Variants in ERC2 observed in about 807,000 individuals in gnomAD.
ERC2 encodes ERC protein 2.
In ERC2, 42 loss-of-function variants were observed where a neutral mutation model predicts 114.8. That is an observed-to-expected ratio of 0.37 (90% CI 0.29 to 0.47). The LOEUF (loss-of-function observed/expected upper bound fraction) is 0.47, where lower values mean the gene tolerates loss of function less well. Among genes scored for constraint, ERC2 ranks in the 20% least tolerant of loss-of-function variants. ERC2 has a pLI of 0.99. For synonymous variants in ERC2, 454 were observed against 425.5 expected (o/e 1.07, Z -0.82); for missense variants, 939 against 1,150.7 (o/e 0.82, Z 2.66).
At chr3:56,346,564 GTGAA>G (rs1167699897) in intron 2 of ERC2, among the ~76,000 whole-genome samples, 1 of 152,142 alleles carries the variant, frequency 6.6e-6, no homozygotes, top group African/African-American at 2.4e-5. Context: ...ATCTTTTCTG[GTGAA>G]TGAATAGGCA....
chr3:56,227,932 C>T (rs1314760003), intron 3 of ERC2, among the ~76,000 whole-genome samples: 1 of 152,070 alleles, frequency 6.6e-6, no homozygotes, highest in Admixed American at 6.6e-5. Flanking sequence ...TGGGAAATTG[C>T]ACAATAATAA....
chr3:56,461,191 G>A (rs2107571741), intron 1 of ERC2, among the ~76,000 whole-genome samples: 1 of 152,258 alleles, frequency 6.6e-6, no homozygotes, highest in South Asian at 2.1e-4. Context: ...GGACAAGCTG[G>A]CCAGGCTTCA....
At chr3:56,231,373 C>T (rs573429314) in intron 3 of ERC2, among the ~76,000 whole-genome samples, 2 of 152,226 alleles carry the variant, frequency 1.3e-5, no homozygotes, top group Admixed American at 6.5e-5. Flanking sequence ...AAGCCTTTCA[C>T]CTGTGTACAC....
intron 12 of ERC2, among the ~76,000 whole-genome samples, chr3:55,974,806 GGA>G (rs770506825): frequency 5.9e-5 from 9 of 152,114 alleles, no homozygotes; most frequent in Non-Finnish European, 1.0e-4. Context: ...GCAAAGACTC[GGA>G]CCAGCAGCTC....
chr3:55,881,924 G>A (rs1417808739), intron 14 of ERC2, among the ~76,000 whole-genome samples: 1 of 152,114 alleles, frequency 6.6e-6, no homozygotes, highest in East Asian at 1.9e-4. Context: ...ATATATGGTT[G>A]GTAACTGTTA....
At chr3:56,072,696 A>C (rs573862425) in intron 7 of ERC2, among the ~76,000 whole-genome samples, 41 of 152,344 alleles carry the variant, frequency 2.7e-4, no homozygotes, top group African/African-American at 8.9e-4. Context: ...CAAAAGGTTG[A>C]TAAAATAAAG....
At chr3:56,036,180 C>T (rs1039266871) in intron 7 of ERC2, among the ~76,000 whole-genome samples, 2 of 152,142 alleles carry the variant, frequency 1.3e-5, no homozygotes, top group Admixed American at 1.3e-4. Flanking sequence ...AGACTCTCGA[C>T]AAATTGGGCA....
intron 14 of ERC2, among the ~76,000 whole-genome samples, chr3:55,832,607 T>C (rs2149191161): frequency 6.6e-6 from 1 of 152,308 alleles, no homozygotes; most frequent in African/African-American, 2.4e-5. Flanking sequence ...AACCTATCTG[T>C]ACATCACCAT....
intron 17 of ERC2, among the ~76,000 whole-genome samples, chr3:55,647,893 G>A (rs1016556875): frequency 4.6e-5 from 7 of 152,198 alleles, no homozygotes; most frequent in African/African-American, 7.2e-5. Context: ...CAGCCGCCTC[G>A]CCCTGTGGAG....
At chr3:55,813,039 A>G (rs534219641) in intron 14 of ERC2, among the ~76,000 whole-genome samples, 2 of 152,240 alleles carry the variant, frequency 1.3e-5, no homozygotes, top group Non-Finnish European at 2.9e-5. Context: ...AAGTCCAATG[A>G]GAAAATACTG....
chr3:56,065,293 G>T (rs1205304859), intron 7 of ERC2, among the ~76,000 whole-genome samples: 2 of 151,894 alleles, frequency 1.3e-5, no homozygotes, highest in Non-Finnish European at 2.9e-5. Context: ...CATGATCATG[G>T]CTCACTGCAG....
chr3:55,595,734 C>T (rs895913990), intron 17 of ERC2, among the ~76,000 whole-genome samples: 2 of 152,154 alleles, frequency 1.3e-5, no homozygotes, highest in African/African-American at 4.8e-5. Context: ...TACAAGGGCT[C>T]AAATGCAGAC....
intron 7 of ERC2, among the ~76,000 whole-genome samples, chr3:56,025,997 A>G (rs1193784122): frequency 6.6e-6 from 1 of 150,836 alleles, no homozygotes; most frequent in Admixed American, 6.6e-5. Flanking sequence ...TTGAAAACAA[A>G]TTTTCAGCTT....
intron 3 of ERC2, among the ~76,000 whole-genome samples, chr3:56,223,315 G>A (rs1306614746): frequency 6.6e-6 from 1 of 151,944 alleles, no homozygotes; most frequent in Non-Finnish European, 1.5e-5. Flanking sequence ...GCATTGTGGT[G>A]GGACCTCTGT....
At chr3:56,063,615 G>A (rs1018883141) in intron 7 of ERC2, among the ~76,000 whole-genome samples, 1 of 152,100 alleles carries the variant, frequency 6.6e-6, no homozygotes, top group Non-Finnish European at 1.5e-5. Context: ...CTGAGGCAGA[G>A]GATATGTAAG....
At chr3:55,586,849 T>G (rs1051355621) in intron 17 of ERC2, among the ~76,000 whole-genome samples, 1 of 152,206 alleles carries the variant, frequency 6.6e-6, no homozygotes, top group African/African-American at 2.4e-5. Context: ...GTAGCCACCA[T>G]CCAGTAAAAT....
Position 55,683,446 on chromosome 3 carries a change from G to A in ERC2, c.*39+348C>T, listed in dbSNP as rs369379969. ...AAGCAAGCAGTCGGCTGAAAACCAC[G>A]ACTGGAGAATTGCGACAATTTCTGA... On this transcript the variant is annotated intron_variant, in intron 17 of 17. Coordinates refer to ENST00000288221, the MANE Select transcript of ERC2 (RefSeq NM_015576.3). 7.9e-5 allele frequency among the ~76,000 whole-genome samples: 12 copies of A among 152,148 alleles called. No homozygotes were observed. In the East Asian group the frequency reaches 1.3e-3, roughly 17 times the overall value.
chr3:56,364,285 C>T (rs1012779994), intron 2 of ERC2, among the ~76,000 whole-genome samples: 1 of 152,068 alleles, frequency 6.6e-6, no homozygotes, highest in African/African-American at 2.4e-5. Flanking sequence ...CTCCCGTATG[C>T]GGTGATAACA....
chr3:55,557,952 C>T (rs951217491), intron 17 of ERC2, among the ~76,000 whole-genome samples: 1 of 152,236 alleles, frequency 6.6e-6, no homozygotes, highest in Non-Finnish European at 1.5e-5. Flanking sequence ...GTTCCAGAGT[C>T]AGAATGCCTG....
Sources: allele counts gnomAD v4.1 joint callset (sites outside exome capture counted in the v4.1 genomes callset), GRCh38; gene constraint gnomAD v4.1.1; transcripts MANE v1.5; gene names NCBI Gene and HGNC (gene_info 2026-07-23, HGNC 2026-07-21).